The following GPR39 variants were observed in gnomAD, a reference collection of about 807,000 sequenced individuals.
GPR39 encodes G protein-coupled receptor 39, also known as zinc sensing receptor.
Under a neutral mutation model 18.4 loss-of-function variants are expected in GPR39, and 23 were observed. That is an observed-to-expected ratio of 1.25 (90% CI 0.90 to 1.77). The LOEUF (loss-of-function observed/expected upper bound fraction) is 1.77. Among genes scored for constraint, GPR39 ranks in the 40% most tolerant of loss-of-function variants. The pLI, the probability that GPR39 is intolerant of heterozygous loss-of-function variation, is 0.00. For synonymous variants in GPR39, 280 were observed against 257.9 expected, an observed-to-expected ratio of 1.09 and a Z score of -0.82; for missense variants, 647 against 602.4, an observed-to-expected ratio of 1.07 and a Z score of -0.78.
At chr2:132,588,591 G>C (rs1051111521) in intron 1 of GPR39, among the ~76,000 whole-genome samples, 1 of 152,164 alleles carries the variant, frequency 6.6e-6, no homozygotes, top group Non-Finnish European at 1.5e-5. Flanking sequence ...AGAGGAGACC[G>C]AAGACTGCTT....
chr2:132,598,432 T>TTTC (rs1680984695), intron 1 of GPR39, among the ~76,000 whole-genome samples: 1 of 39,706 alleles, frequency 2.5e-5, no homozygotes, highest in Non-Finnish European at 4.8e-5. Flanking sequence ...TAAGGTGAAC[T>TTTC]TTTTTTTTTT....
rs370248062 is a variant in GPR39 at position 132,417,830 on chromosome 2, C to T, written c.788C>T (p.Pro263Leu). ...GGCTCGCTGGCCGGGGGCACGCGGC[C>T]TCCGCAGCTGAGGAAGTCCGAGAGC... ...QKGSLAGGTR[P>L]PQLRKSESEE... The change falls in exon 1 of 2, where the codon CCT becomes CTT. Residue 263 changes from proline to leucine, a missense_variant. Physicochemically the swap from Pro to Leu is moderately conservative, Grantham distance 98. Coordinates refer to ENST00000329321, the MANE Select transcript of GPR39 (RefSeq NM_001508.3). 5 of 1,613,476 alleles carry T rather than the reference C, an allele frequency of 3.1e-6. No homozygotes were observed. Among genetic ancestry groups the T allele is most frequent in the Non-Finnish European group, 4.2e-6 (5 of 1,180,032 alleles).
intron 1 of GPR39, among the ~76,000 whole-genome samples, chr2:132,593,976 G>A (rs12616407): frequency 0.41 from 62,767 of 151,916 alleles, 14,724 homozygotes; most frequent in East Asian, 0.8. Flanking sequence ...CTGATATTTT[G>A]TCCAGGTCAC....
At chr2:132,545,653 G>GGTGTGTGT (rs5834318) in intron 1 of GPR39, among the ~76,000 whole-genome samples, 169 of 134,784 alleles carry the variant, frequency 1.3e-3, no homozygotes, top group Middle Eastern at 3.8e-3. Context: ...ATGTGTGATG[G>GGTGTGTGT]GCGTGTGTGT....
chr2:132,626,817 T>C (rs1681552764), intron 1 of GPR39, among the ~76,000 whole-genome samples: 1 of 152,228 alleles, frequency 6.6e-6, no homozygotes, highest in Non-Finnish European at 1.5e-5. Context: ...TGGTTGGAAG[T>C]AAGTGAAAAC....
chr2:132,419,610 G>A (rs1026028333), intron 1 of GPR39, among the ~76,000 whole-genome samples: 1 of 152,144 alleles, frequency 6.6e-6, no homozygotes, highest in Non-Finnish European at 1.5e-5. Flanking sequence ...AGAGAGGAAT[G>A]GACATTGTAT....
intron 1 of GPR39, among the ~76,000 whole-genome samples, chr2:132,512,357 G>A (rs543672966): frequency 5.9e-5 from 9 of 152,276 alleles, no homozygotes; most frequent in Non-Finnish European, 1.0e-4. Context: ...AGATACTCAC[G>A]GAGAGATGAG....
intron 1 of GPR39, among the ~76,000 whole-genome samples, chr2:132,422,412 T>A (rs1212278474): frequency 1.3e-5 from 2 of 152,176 alleles, no homozygotes; most frequent in Admixed American, 1.3e-4. Context: ...TATACTCTAC[T>A]GTATATTTCG....
In GPR39 at chr2:132,646,051, G is replaced by C. The variant is rs541587484; in HGVS notation, c.*445G>C. The stretch of plus-strand genomic sequence containing the variant: ...GGTGGCATCTCCTTCAGCTTCAGCA[G>C]TGTGCCGAGAAGAGGGCTAATTTGA... On this transcript the variant is annotated 3_prime_UTR_variant, in exon 2 of 2. Coordinates refer to ENST00000329321, the MANE Select transcript of GPR39 (RefSeq NM_001508.3). 6.4e-7 allele frequency: 1 copy of C among 1,564,626 alleles called. No homozygotes were observed. The highest frequency in any genetic ancestry group is 1.2e-5 in the South Asian group (1 of 83,508).
chr2:132,642,280 C>G, intron 1 of GPR39, among the ~76,000 whole-genome samples: 1 of 152,208 alleles, frequency 6.6e-6, no homozygotes, highest in Non-Finnish European at 1.5e-5. Flanking sequence ...ACCCAGAAAA[C>G]CAAACTTCCC....
At chr2:132,531,589 G>T (rs1483988801) in intron 1 of GPR39, among the ~76,000 whole-genome samples, 1 of 152,106 alleles carries the variant, frequency 6.6e-6, no homozygotes, top group Non-Finnish European at 1.5e-5. Flanking sequence ...AATTGACCAC[G>T]TAGTTGGAAG....
At chr2:132,645,022 T>C (rs1334584516) in intron 1 of GPR39, 79 bp from the exon 2 acceptor site, 83 of 1,486,970 alleles carry the variant, frequency 5.6e-5, no homozygotes, top group Non-Finnish European at 6.7e-5. Context: ...CTAAATATTT[T>C]ATGGTTTTAT....
At chr2:132,451,174 T>TGTTCGTGTGC (rs3219552) in intron 1 of GPR39, among the ~76,000 whole-genome samples, 1 of 150,354 alleles carries the variant, frequency 6.7e-6, no homozygotes, top group Admixed American at 6.6e-5. Context: ...TGTGTGTGTG[T>TGTTCGTGTGC]GCACGCGCGT....
intron 1 of GPR39, among the ~76,000 whole-genome samples, chr2:132,463,086 G>C (rs1331547883): frequency 1.3e-5 from 2 of 152,132 alleles, no homozygotes; most frequent in Non-Finnish European, 2.9e-5. Flanking sequence ...CGTGCACCAG[G>C]CACTGTTCTA....
At chr2:132,578,571 T>A (rs1488443289) in intron 1 of GPR39, among the ~76,000 whole-genome samples, 1 of 152,130 alleles carries the variant, frequency 6.6e-6, no homozygotes, top group East Asian at 1.9e-4. Flanking sequence ...ATTCAAATAA[T>A]CTGGTTTATC....
At chr2:132,562,533 A>T (rs1200028294) in intron 1 of GPR39, among the ~76,000 whole-genome samples, 1 of 152,106 alleles carries the variant, frequency 6.6e-6, no homozygotes. Flanking sequence ...CCAGAATGCA[A>T]TCTGTCCCCA....
rs116750242 is a variant in GPR39, at chr2:132,451,569, G to A, written c.856+33671G>A. Among the ~76,000 whole-genome samples the A allele has an allele frequency of 7.1e-3, 1,077 of 152,204 alleles. 8 individuals carry two copies. The highest frequency in any genetic ancestry group is 0.024 in the African/African-American group (1,012 of 41,516). On this transcript the variant is annotated intron_variant, in intron 1 of 1. Transcript: ENST00000329321. ...ATTATATGACATGGGCTTGACAACAGGCTACATAGGGAGGAAACCTGGCAG... is the reference window on the plus strand; with the variant it reads ...ATTATATGACATGGGCTTGACAACAAGCTACATAGGGAGGAAACCTGGCAG...
At chr2:132,428,835 G>A (rs1680174666) in intron 1 of GPR39, among the ~76,000 whole-genome samples, 1 of 152,178 alleles carries the variant, frequency 6.6e-6, no homozygotes, top group Admixed American at 6.5e-5. Flanking sequence ...ATGACACTTA[G>A]ACATAAAAAA....
At chr2:132,531,870 A>G (rs1442888223) in intron 1 of GPR39, among the ~76,000 whole-genome samples, 2 of 152,250 alleles carry the variant, frequency 1.3e-5, no homozygotes, top group African/African-American at 4.8e-5. Flanking sequence ...GGAAATTTAT[A>G]GCACTAAATG....
Sources: gnomAD v4.1 joint callset for allele counts (sites outside exome capture counted in the v4.1 genomes callset) on GRCh38, gnomAD v4.1.1 for gene constraint, MANE v1.5 for transcripts, NCBI Gene and HGNC (gene_info 2026-07-23, HGNC 2026-07-21) for gene names.